Variants in CPEB4 observed in about 807,000 individuals in gnomAD.
The protein encoded by CPEB4 is cytoplasmic polyadenylation element-binding protein 4.
A neutral mutation model predicts 72.5 loss-of-function variants in CPEB4; 12 were observed. The ratio of observed to expected loss-of-function variants is 0.17; its 90% CI spans 0.11 to 0.27. The LOEUF is 0.27. Ranked by LOEUF, CPEB4 falls within the 10% of genes least tolerant of loss-of-function variation. The probability of loss-of-function intolerance (pLI) is 1.00; values close to 1 mark genes in which losing one functional copy is unlikely to be tolerated. For synonymous variants in CPEB4, 302 were observed against 326.3 expected, an observed-to-expected ratio of 0.93 and a Z score of 0.80; for missense variants, 614 against 908.5, an observed-to-expected ratio of 0.68 and a Z score of 4.17.
chr5:173,904,897 G>A lies in CPEB4; in HGVS notation c.1126-5626G>A, dbSNP rs1038695770. The stretch of plus-strand genomic sequence containing the variant: ...GAGGCCAGAGGATCACTGGAGCCCA[G>A]GAGTTTGATGCTGTGGTGAGCTGTG... On this transcript the variant is annotated intron_variant, in intron 1 of 9. Coordinates refer to ENST00000265085, the MANE Select transcript of CPEB4 (RefSeq NM_030627.4). 8.6e-5 allele frequency among the ~76,000 whole-genome samples: 13 copies of A among 151,518 alleles called. No homozygotes were observed. The East Asian group carries it at 2.5e-3, about 29-fold the overall frequency.
intron 1 of CPEB4, among the ~76,000 whole-genome samples, chr5:173,895,699 T>C (rs1433383149): frequency 6.6e-6 from 1 of 152,218 alleles, no homozygotes; most frequent in Non-Finnish European, 1.5e-5. Context: ...CTGTAAATTG[T>C]GGGTCGGATG....
chr5:173,904,522 G>T (rs115586118), intron 1 of CPEB4, among the ~76,000 whole-genome samples: 13 of 152,132 alleles, frequency 8.5e-5, no homozygotes, highest in African/African-American at 2.9e-4. Context: ...AAATATAAAA[G>T]GTAATATTTG....
chr5:173,907,788 C>T (rs1482676249), intron 1 of CPEB4, among the ~76,000 whole-genome samples: 3 of 152,170 alleles, frequency 2.0e-5, no homozygotes, highest in African/African-American at 4.8e-5. Context: ...AATTTTTAAA[C>T]GGAGATCATC....
At chr5:173,912,471 A>G (rs1333611706) in intron 2 of CPEB4, among the ~76,000 whole-genome samples, 2 of 152,076 alleles carry the variant, frequency 1.3e-5, no homozygotes, top group African/African-American at 4.8e-5. Flanking sequence ...CTTGCTGTGA[A>G]TCTATAATTA....
At chr5:173,910,220 T>TA (rs35959985) in intron 1 of CPEB4, among the ~76,000 whole-genome samples, 4 of 152,102 alleles carry the variant, frequency 2.6e-5, no homozygotes, top group African/African-American at 9.7e-5. Flanking sequence ...TTTTTTTTTT[T>TA]ACACTTATGT....
chr5:173,934,048 G>A (rs1757535525), intron 3 of CPEB4, among the ~76,000 whole-genome samples: 1 of 152,154 alleles, frequency 6.6e-6, no homozygotes, highest in Non-Finnish European at 1.5e-5. Context: ...AGCCAGGTGT[G>A]GTGGCACATG....
At chr5:173,910,718 G>A (rs1261017472) in intron 2 of CPEB4, 114 bp downstream of exon 2, 1 of 699,456 alleles carries the variant, frequency 1.4e-6, no homozygotes, top group Non-Finnish European at 2.5e-6. Context: ...TATGCAGTAA[G>A]TTCTATCAAT....
intron 2 of CPEB4, among the ~76,000 whole-genome samples, chr5:173,921,730 A>C (rs1009781800): frequency 2.0e-5 from 3 of 152,190 alleles, no homozygotes; most frequent in African/African-American, 7.2e-5. Context: ...CTTATATTTT[A>C]GCTTCTGCTT....
At chr5:173,891,219 A>G (rs1197825167) in intron 1 of CPEB4, among the ~76,000 whole-genome samples, 1 of 152,222 alleles carries the variant, frequency 6.6e-6, no homozygotes, top group East Asian at 1.9e-4. Context: ...ATTTCATTGC[A>G]GAAACTATTG....
intron 2 of CPEB4, among the ~76,000 whole-genome samples, chr5:173,929,900 TC>T (rs1170802630): frequency 2.0e-5 from 3 of 152,226 alleles, no homozygotes; most frequent in African/African-American, 7.2e-5. Context: ...TAGTCATTCT[TC>T]TGAAAATGTT....
At chr5:173,935,188 G>C (rs1757578291) in intron 3 of CPEB4, among the ~76,000 whole-genome samples, 1 of 152,106 alleles carries the variant, frequency 6.6e-6, no homozygotes, top group Non-Finnish European at 1.5e-5. Context: ...ATTCTTAATA[G>C]CTGAAAATAT....
intron 2 of CPEB4, among the ~76,000 whole-genome samples, chr5:173,928,434 C>G (rs1298062780): frequency 6.6e-6 from 1 of 152,122 alleles, no homozygotes; most frequent in Non-Finnish European, 1.5e-5. Context: ...GTATCTTCCT[C>G]TCCATTCTGC....
rs1436150790 is a variant in CPEB4, at chr5:173,949,999, A to G, written c.1586A>G (p.Gln529Arg). Residue 529 changes from glutamine to arginine, a missense_variant, in exon 7 of 10, where the codon CAG becomes CGG. Gln to Arg is a conservative substitution (Grantham distance 43). This residue lies in a region of CPEB4 where 23 missense variants were observed against 21.8 expected (regional missense o/e 1.05). Coordinates refer to ENST00000265085, the MANE Select transcript of CPEB4 (RefSeq NM_030627.4). ...CTGTTTCAAGATGAAAGCTCTGTGCAGGCTCTCATTGATGCATGCATTGAA... is the reference window on the plus strand; with the variant it reads ...CTGTTTCAAGATGAAAGCTCTGTGCGGGCTCTCATTGATGCATGCATTGAA... ...FLLFQDESSV[Q>R]ALIDACIEED... 6.2e-7 allele frequency: 1 copy of G among 1,612,166 alleles called. No homozygotes were observed.
At chr5:173,933,271 T>C (rs1353216681) in intron 3 of CPEB4, among the ~76,000 whole-genome samples, 1 of 152,250 alleles carries the variant, frequency 6.6e-6, no homozygotes. Context: ...AGAAGTGTTA[T>C]GGACTAAATA....
intron 3 of CPEB4, among the ~76,000 whole-genome samples, chr5:173,937,105 C>T (rs567636039): frequency 3.4e-4 from 50 of 147,654 alleles, no homozygotes; most frequent in Non-Finnish European, 6.5e-4. Context: ...TGCAGTGGCT[C>T]CATCTCGGCT....
intron 8 of CPEB4, among the ~76,000 whole-genome samples, chr5:173,952,344 G>C (rs72812852): frequency 6.6e-6 from 1 of 152,008 alleles, no homozygotes; most frequent in Admixed American, 6.5e-5. Flanking sequence ...GAGATTGTCA[G>C]TATTTGTTTC....
chr5:173,947,161 A>G (rs898267226), intron 5 of CPEB4, among the ~76,000 whole-genome samples: 2 of 151,714 alleles, frequency 1.3e-5, no homozygotes, highest in African/African-American at 4.9e-5. Context: ...ATGCTTACCT[A>G]CTCTTTCTAG....
In CPEB4 at chr5:173,933,282, G is replaced by A. The variant is rs74840260; in HGVS notation, c.1258+782G>A. 7.4e-3 allele frequency among the ~76,000 whole-genome samples: 1,134 copies of A among 152,268 alleles called. 8 individuals are homozygous for A. The highest frequency in any genetic ancestry group is 0.012 in the Non-Finnish European group (805 of 68,010). ...TCTAAGAAGTGTTATGGACTAAATA[G>A]CTATATTCTCATAATTCCCAAAACA... On this transcript the variant is annotated intron_variant, in intron 3 of 9. Coordinates refer to ENST00000265085, the MANE Select transcript of CPEB4 (RefSeq NM_030627.4).
intron 1 of CPEB4, among the ~76,000 whole-genome samples, chr5:173,908,544 G>GC (rs1290103198): frequency 6.6e-6 from 1 of 152,194 alleles, no homozygotes; most frequent in African/African-American, 2.4e-5. Context: ...AAACCACTCA[G>GC]CGCACATTAC....
Sources: gnomAD v4.1 joint callset for allele counts (sites outside exome capture counted in the v4.1 genomes callset) on GRCh38, gnomAD v4.1.1 for gene constraint, gnomAD v4.1.1 regional missense constraint, MANE v1.5 for transcripts, NCBI Gene and HGNC (gene_info 2026-07-23, HGNC 2026-07-21) for gene names.